CELF1: variants seen among roughly 807,000 people sequenced by gnomAD.
CELF1 encodes 50 kDa nuclear polyadenylated RNA-binding protein.
CELF1 carries 10 observed loss-of-function variants against 61.8 expected under a neutral mutation model. The ratio of observed to expected loss-of-function variants is 0.16; its 90% CI spans 0.10 to 0.27. The LOEUF (loss-of-function observed/expected upper bound fraction) is 0.27. CELF1 is among the 10% of genes least tolerant of loss of function. The pLI is 1.00. For missense variants in CELF1, 380 were observed against 639.1 expected (o/e 0.59, Z 4.37); for synonymous variants, 236 against 225.1 (o/e 1.05, Z -0.43).
intron 1 of CELF1, among the ~76,000 whole-genome samples, chr11:47,543,195 G>C (rs1353295975): frequency 6.6e-6 from 1 of 152,156 alleles, no homozygotes; most frequent in Non-Finnish European, 1.5e-5. Flanking sequence ...CTAGAGACCA[G>C]GGGGTCAAGA....
intron 1 of CELF1, among the ~76,000 whole-genome samples, chr11:47,517,585 C>T (rs992015294): frequency 5.3e-5 from 8 of 151,846 alleles, no homozygotes; most frequent in African/African-American, 1.5e-4. Flanking sequence ...GAAATAACTG[C>T]TAACAGTAGT....
chr11:47,555,850 G>C (rs115770907), upstream of CELF1, among the ~76,000 whole-genome samples: 1 of 151,864 alleles, frequency 6.6e-6, no homozygotes, highest in Admixed American at 6.6e-5. Flanking sequence ...AAATACAAAC[G>C]TTAGCCAGGC....
rs530730840 is a variant in CELF1, at chr11:47,484,348, A to C, written c.526+41T>G. 143 of 1,586,432 alleles carry C rather than the reference A, an allele frequency of 9.0e-5. No homozygotes were observed. The South Asian group carries it at 1.3e-3, about 14-fold the overall frequency. ...AAAAAAAACCCCAAACCAAACCAAA[A>C]CAAAAAACCAAAAGATTATTTAAAA... On this transcript the variant is annotated intron_variant, in intron 7 of 14. Coordinates refer to ENST00000687097, the MANE Select transcript of CELF1 (RefSeq NM_001376376.1).
upstream of CELF1, among the ~76,000 whole-genome samples, chr11:47,554,929 G>T (rs1415827347): frequency 6.6e-6 from 1 of 152,118 alleles, no homozygotes; most frequent in Non-Finnish European, 1.5e-5. Flanking sequence ...CTCTCAAAGT[G>T]CTGGGATTAC....
intron 1 of CELF1, among the ~76,000 whole-genome samples, chr11:47,518,765 G>A (rs140827287): frequency 6.6e-6 from 1 of 152,092 alleles, no homozygotes; most frequent in Non-Finnish European, 1.5e-5. Context: ...CTCTTAGGCA[G>A]ACAGGCCCAA....
chr11:47,534,008 G>A (rs1344264737), intron 1 of CELF1, among the ~76,000 whole-genome samples: 2 of 135,246 alleles, frequency 1.5e-5, no homozygotes, highest in African/African-American at 2.7e-5. Context: ...GTTATATTTA[G>A]CATTTTTTCT....
chr11:47,511,681 T>A (rs1403600462), intron 1 of CELF1, among the ~76,000 whole-genome samples: 3 of 152,188 alleles, frequency 2.0e-5, no homozygotes, highest in Non-Finnish European at 4.4e-5. Context: ...TCCTCATACG[T>A]ACGCTATCTC....
chr11:47,538,414 C>A (rs1005379654), intron 1 of CELF1, among the ~76,000 whole-genome samples: 3 of 152,084 alleles, frequency 2.0e-5, no homozygotes, highest in African/African-American at 4.8e-5. Flanking sequence ...GAGGCCCAGG[C>A]GGGCAGATCA....
intron 13 of CELF1, among the ~76,000 whole-genome samples, chr11:47,473,473 G>A (rs781045204): frequency 1.3e-5 from 2 of 152,176 alleles, no homozygotes; most frequent in African/African-American, 2.4e-5. Flanking sequence ...AATTCTACCC[G>A]CAGGAGGAGG....
At chr11:47,500,645 T>G (rs1198033431) in intron 2 of CELF1, among the ~76,000 whole-genome samples, 1 of 152,158 alleles carries the variant, frequency 6.6e-6, no homozygotes, top group Non-Finnish European at 1.5e-5. Context: ...GACTAGTGAG[T>G]GCACACATAA....
At chr11:47,478,044 G>A (rs755481184) in intron 10 of CELF1, among the ~76,000 whole-genome samples, 16 of 152,112 alleles carry the variant, frequency 1.1e-4, no homozygotes, top group Non-Finnish European at 1.9e-4. Flanking sequence ...TGTCGCTGCT[G>A]CAAACCATTT....
chr11:47,511,214 C>T (rs1459307434), intron 1 of CELF1, among the ~76,000 whole-genome samples: 1 of 152,092 alleles, frequency 6.6e-6, no homozygotes, highest in African/African-American at 2.4e-5. Flanking sequence ...AATCTAACTA[C>T]TATCCAGATT....
At chr11:47,497,204 T>C (rs1439998816) in intron 3 of CELF1, among the ~76,000 whole-genome samples, 5 of 152,216 alleles carry the variant, frequency 3.3e-5, no homozygotes, top group African/African-American at 1.2e-4. Context: ...GAATAAAGTC[T>C]TAGACCTCAG....
At chr11:47,500,819 T>C (rs548060350) in intron 2 of CELF1, 42 bp downstream of exon 2, 117 of 398,294 alleles carry the variant, frequency 2.9e-4, no homozygotes, top group Non-Finnish European at 4.2e-4. Context: ...CTCCCAAATT[T>C]CACAGGCTTT....
chr11:47,525,755 G>T (rs139298313), intron 1 of CELF1, among the ~76,000 whole-genome samples: 3 of 152,114 alleles, frequency 2.0e-5, no homozygotes, highest in African/African-American at 7.2e-5. Flanking sequence ...GCACTAAAGC[G>T]TGGGGTACAA....
chr11:47,519,578 G>C (rs971046147), intron 1 of CELF1, among the ~76,000 whole-genome samples: 2 of 152,022 alleles, frequency 1.3e-5, no homozygotes, highest in Non-Finnish European at 2.9e-5. Context: ...TCCTAAAGGT[G>C]CTTCTCGCCG....
chr11:47,478,737 TG>T lies in CELF1; in HGVS notation c.844+139del, dbSNP rs1010530223. On this transcript the variant is annotated intron_variant, in intron 10 of 14. Transcript: ENST00000687097. Reference sequence around the variant, plus strand: ...GTATAGAGACAAGAAAATTGAGTCCTGGGATGTTTATCCTAGGTCAGGTTTA... The same window carrying T: ...GTATAGAGACAAGAAAATTGAGTCCTGGATGTTTATCCTAGGTCAGGTTTA... 15 of 635,636 alleles carry T rather than the reference TG, an allele frequency of 2.4e-5. No homozygotes were observed. The African/African-American group carries it at 2.7e-4, about 12-fold the overall frequency. The allele number at this position is 635,636 out of a possible 1,614,324, so 39.4% of individuals were successfully genotyped here. A position where few individuals can be genotyped will look rare whatever the true frequency, so the allele number is the denominator to read the frequency against.
chr11:47,525,743 C>T (rs1382255594), intron 1 of CELF1, among the ~76,000 whole-genome samples: 1 of 152,156 alleles, frequency 6.6e-6, no homozygotes, highest in Admixed American at 6.6e-5. Flanking sequence ...TACATGACTA[C>T]TGCACTAAAG....
At chr11:47,544,939 G>T (rs1205047725) in intron 1 of CELF1, among the ~76,000 whole-genome samples, 1 of 152,036 alleles carries the variant, frequency 6.6e-6, no homozygotes, top group Non-Finnish European at 1.5e-5. Context: ...TCCAGCCTGG[G>T]TAACAACAGT....
Sources: gnomAD v4.1 joint callset for allele counts (sites outside exome capture counted in the v4.1 genomes callset) on GRCh38, gnomAD v4.1.1 for gene constraint, MANE v1.5 for transcripts, NCBI Gene and HGNC (gene_info 2026-07-23, HGNC 2026-07-21) for gene names.